The following PRDM16 variants were observed in gnomAD, a reference collection of about 807,000 sequenced individuals.
The protein encoded by PRDM16 is PR/SET domain 16, also known as histone-lysine N-methyltransferase PRDM16.
In PRDM16, 23 loss-of-function variants were observed where a neutral mutation model predicts 110.6. The observed-to-expected ratio is 0.21, with a 90% CI of 0.15 to 0.29. PRDM16 has a LOEUF of 0.29. PRDM16 is among the 10% of genes least tolerant of loss of function. The pLI is 1.00. For synonymous variants in PRDM16, 799 were observed against 781.8 expected, an observed-to-expected ratio of 1.02 and a Z score of -0.37; for missense variants, 1,615 against 1,794.3, an observed-to-expected ratio of 0.90 and a Z score of 1.81.
At chr1:3,399,425 C>A (rs950999736) in intron 5 of PRDM16, among the ~76,000 whole-genome samples, 2 of 152,152 alleles carry the variant, frequency 1.3e-5, no homozygotes, top group Non-Finnish European at 2.9e-5. Flanking sequence ...CCTCCATGAG[C>A]CCCAGGGGTG....
rs1471316745 is a variant in PRDM16, at chr1:3,339,008, A to C, written c.439-46144A>C. ...AGTGACAGGCACCCCAGCAGCTGCC[A>C]TTCAGGCCAAGGAGAGGCAGTTTGG... On this transcript the variant is annotated intron_variant, in intron 3 of 16. Transcript: ENST00000270722. This position sits in a 1 kb window ranked among gnomAD's most constrained non-coding sequence, Gnocchi z 5.0. 3.3e-5 allele frequency among the ~76,000 whole-genome samples: 5 copies of C among 152,194 alleles called. No homozygotes were observed. The highest frequency in any genetic ancestry group is 3.3e-4 in the Admixed American group (5 of 15,286).
rs1285557472 is a variant in PRDM16, at chr1:3,408,817, C to T, written c.1187-2567C>T. 2.0e-4 allele frequency among the ~76,000 whole-genome samples: 26 copies of T among 127,438 alleles called. No homozygotes were observed. The East Asian group carries it at 2.9e-3, about 14-fold the overall frequency. 83.6% of individuals were successfully genotyped at this position (127,438 alleles called of 152,430 possible). A position where few individuals can be genotyped will look rare whatever the true frequency, so the allele number is the denominator to read the frequency against. On this transcript the variant is annotated intron_variant, in intron 8 of 16. Transcript: ENST00000270722. ...GTGCGTGTGTGTGAGCGCGTGTGGG[C>T]GCGTGAGCTGGTGCGTGTGTTGGAG...
chr1:3,189,051 C>T (rs920416099), intron 2 of PRDM16, among the ~76,000 whole-genome samples: 3 of 152,198 alleles, frequency 2.0e-5, no homozygotes, highest in African/African-American at 7.2e-5. Flanking sequence ...GAGGTGGCCC[C>T]GGAGGGAGAA....
intron 1 of PRDM16, among the ~76,000 whole-genome samples, chr1:3,129,274 G>T (rs1643281696): frequency 6.6e-6 from 1 of 151,490 alleles, no homozygotes; most frequent in South Asian, 2.1e-4. Context: ...ACATGTGTGT[G>T]TGTGTCCTGC....
chr1:3,074,193 C>T (rs1433220301), intron 1 of PRDM16, among the ~76,000 whole-genome samples: 1 of 152,226 alleles, frequency 6.6e-6, no homozygotes, highest in East Asian at 1.9e-4. Flanking sequence ...CACCTCCTCC[C>T]TTCACTGACC....
At chr1:3,272,228 G>A (rs910803314) in intron 3 of PRDM16, among the ~76,000 whole-genome samples, 2 of 152,212 alleles carry the variant, frequency 1.3e-5, no homozygotes, top group Admixed American at 6.5e-5. Flanking sequence ...GCACTCCACG[G>A]GGACAGGCGT....
rs546815156 is a variant in PRDM16 at position 3,433,730 on chromosome 1, C to T, written c.3750C>T (p.Ser1250=). ...LSEDTPLHTP[S]QGSLDAWLKV... is the part of the protein sequence containing the mutation. The stretch of plus-strand genomic sequence containing the variant: ...AAGACACTCCTCTCCACACCCCCTC[C>T]CAGGGTTCTCTGGACGCTTGGTTGA... The change falls in exon 17 of 17, where the codon TCC becomes TCT. Residue 1250 remains serine (S), a synonymous_variant. Transcript: ENST00000270722. The T allele has an allele frequency of 1.1e-5, 17 of 1,613,920 alleles. No individual in the cohort carries two copies. Among genetic ancestry groups the T allele is most frequent in the Non-Finnish European group, 1.4e-5 (17 of 1,179,962 alleles).
intron 4 of PRDM16, among the ~76,000 whole-genome samples, chr1:3,393,851 C>CCCCCG (rs1013106578): frequency 5.9e-5 from 9 of 152,314 alleles, no homozygotes; most frequent in South Asian, 2.1e-4. Context: ...GGGACCCCCG[C>CCCCCG]CCCCGCCCCG....
intron 1 of PRDM16, among the ~76,000 whole-genome samples, chr1:3,138,795 C>T (rs1262741795): frequency 6.6e-6 from 1 of 152,176 alleles, no homozygotes; most frequent in African/African-American, 2.4e-5. Context: ...GAGGAGGGGG[C>T]CTTGGAGGGA....
chr1:3,315,105 G>A (rs1641569873), intron 3 of PRDM16, among the ~76,000 whole-genome samples: 1 of 149,676 alleles, frequency 6.7e-6, no homozygotes. Context: ...AGAGCAGCGA[G>A]ACACTTGCTA....
chr1:3,185,500 GCTGCGGCCCAAGTGCAGGGATGTCCAGC>G (rs1373148394), intron 1 of PRDM16, among the ~76,000 whole-genome samples: 4 of 152,076 alleles, frequency 2.6e-5, no homozygotes, highest in African/African-American at 4.8e-5. Flanking sequence ...GGATGTCCAG[GCTGCGGCCCAAGTGCAGGGATGTCCAGC>G]CTGCGGCCCA....
chr1:3,305,804 A>G (rs980494976), intron 3 of PRDM16, among the ~76,000 whole-genome samples: 10 of 152,208 alleles, frequency 6.6e-5, no homozygotes, highest in African/African-American at 2.4e-4. Context: ...TCAGAACAGG[A>G]CTGAGATCCA....
rs987197489 is a variant in PRDM16, at chr1:3,436,350, G to C, written c.*2539G>C. 1 of 230,444 alleles carries C rather than the reference G, an allele frequency of 4.3e-6. No homozygotes were observed. 14.3% of individuals were successfully genotyped at this position (230,444 alleles called of 1,614,324 possible). On this transcript the variant is annotated 3_prime_UTR_variant, in exon 17 of 17. Transcript: ENST00000270722. ...CCCCCAGTCCCATCCCGCCGTTTTCGGCTGTCTTCCTAACCGTCCTGTCTT... is the reference window on the plus strand; with the variant it reads ...CCCCCAGTCCCATCCCGCCGTTTTCCGCTGTCTTCCTAACCGTCCTGTCTT...
chr1:3,403,009 C>G lies in PRDM16; in HGVS notation c.884+11C>G. 2.5e-6 allele frequency: 4 copies of G among 1,586,622 alleles called. No homozygotes were observed. Among genetic ancestry groups the G allele is most frequent in the Non-Finnish European group, 3.4e-6 (4 of 1,171,444 alleles). Reference sequence around the variant, plus strand: ...CCCCAACAAGTACAGGTGCCACGCCCTCCTCTGAGTCTTCCTCCCCTTCCC... The same window carrying G: ...CCCCAACAAGTACAGGTGCCACGCCGTCCTCTGAGTCTTCCTCCCCTTCCC... On this transcript the variant is annotated intron_variant, in intron 6 of 16. Coordinates refer to ENST00000270722, the MANE Select transcript of PRDM16 (RefSeq NM_022114.4).
intron 1 of PRDM16, among the ~76,000 whole-genome samples, chr1:3,129,389 G>T: frequency 7.3e-6 from 1 of 137,274 alleles, no homozygotes; most frequent in African/African-American, 2.5e-5. Flanking sequence ...GCGTGTGCAC[G>T]TGTGTGTGTG....
intron 10 of PRDM16, among the ~76,000 whole-genome samples, chr1:3,415,741 C>G (rs947878491): frequency 6.6e-6 from 1 of 152,240 alleles, no homozygotes; most frequent in Non-Finnish European, 1.5e-5. Context: ...GCTGCCCCCA[C>G]GGGCCTGCCA....
At chr1:3,293,106 C>G (rs1457716714) in intron 3 of PRDM16, among the ~76,000 whole-genome samples, 1 of 152,244 alleles carries the variant, frequency 6.6e-6, no homozygotes. Context: ...CCTATTGACC[C>G]TATATTCCAC....
chr1:3,400,362 A>T (rs1012045512), intron 5 of PRDM16, among the ~76,000 whole-genome samples: 4 of 152,134 alleles, frequency 2.6e-5, no homozygotes, highest in Non-Finnish European at 4.4e-5. Context: ...CCCAGGGGTC[A>T]GCCTTGCCAC....
chr1:3,413,685 G>T (rs1643733550), intron 9 of PRDM16, among the ~76,000 whole-genome samples: 1 of 152,164 alleles, frequency 6.6e-6, no homozygotes, highest in South Asian at 2.1e-4. Flanking sequence ...GGGGTGGCAG[G>T]TTTACCAAAG....
Sources: gnomAD v4.1 joint callset for allele counts (sites outside exome capture counted in the v4.1 genomes callset) on GRCh38, gnomAD v4.1.1 for gene constraint, Gnocchi (gnomAD v3.1) non-coding constraint, MANE v1.5 for transcripts, NCBI Gene and HGNC (gene_info 2026-07-23, HGNC 2026-07-21) for gene names.